The following GRHL2 variants were observed in gnomAD, a reference collection of about 807,000 sequenced individuals.
GRHL2 encodes the protein grainyhead-like protein 2 homolog.
Under a neutral mutation model 83.8 loss-of-function variants are expected in GRHL2, and 21 were observed. The ratio of observed to expected loss-of-function variants is 0.25; its 90% CI spans 0.18 to 0.36. GRHL2 has a LOEUF of 0.36. Ranked by LOEUF, GRHL2 falls within the 10% of genes least tolerant of loss-of-function variation. The probability of loss-of-function intolerance (pLI) is 1.00; values close to 1 mark genes in which losing one functional copy is unlikely to be tolerated. For missense variants in GRHL2, 623 were observed against 781.8 expected, an observed-to-expected ratio of 0.80 and a Z score of 2.42; for synonymous variants, 280 against 278.9, an observed-to-expected ratio of 1.00 and a Z score of -0.04.
chr8:101,576,118 G>C (rs536392408), intron 6 of GRHL2, among the ~76,000 whole-genome samples: 1 of 152,218 alleles, frequency 6.6e-6, no homozygotes, highest in Non-Finnish European at 1.5e-5. Flanking sequence ...TGCTAAGTTT[G>C]ATGTTAATTG....
chr8:101,530,698 A>AGAG (rs1810905721), intron 1 of GRHL2, among the ~76,000 whole-genome samples: 2 of 152,132 alleles, frequency 1.3e-5, no homozygotes, highest in Non-Finnish European at 2.9e-5. Context: ...TGTACTCTCT[A>AGAG]GATTGTTCCA....
intron 7 of GRHL2, 85 bp downstream of exon 7, chr8:101,577,604 C>T: frequency 1.2e-6 from 1 of 868,740 alleles, no homozygotes; most frequent in South Asian, 1.4e-5. Context: ...GTAGTAATCA[C>T]AGCTGGAGCC....
At chr8:101,537,747 G>A (rs987051673) in intron 1 of GRHL2, among the ~76,000 whole-genome samples, 4 of 152,062 alleles carry the variant, frequency 2.6e-5, no homozygotes, top group Non-Finnish European at 5.9e-5. Flanking sequence ...GATTTAAACC[G>A]AAGTTACCCA....
rs1814168522 is a variant in GRHL2 at position 101,669,664 on chromosome 8, G to GTT, written c.*2962_*2963dup. The GTT allele has an allele frequency of 1.3e-5, 2 of 149,850 alleles. No individual in the cohort carries two copies. Among genetic ancestry groups the GTT allele is most frequent in the Non-Finnish European group, 3.0e-5 (2 of 67,654 alleles). 9.3% of individuals were successfully genotyped at this position (149,850 alleles called of 1,614,324 possible). A position where few individuals can be genotyped will look rare whatever the true frequency, so the allele number is the denominator to read the frequency against. On this transcript the variant is annotated 3_prime_UTR_variant, in exon 16 of 16. Coordinates refer to ENST00000646743, the MANE Select transcript of GRHL2 (RefSeq NM_024915.4). ...GGGGAATCTATAAACTATAAATACA[G>GTT]TTATTTTATTTTTTGTACATTTTTA... is the stretch of plus-strand genomic sequence containing the variant.
intron 1 of GRHL2, among the ~76,000 whole-genome samples, chr8:101,506,916 T>C (rs1563554884): frequency 6.6e-6 from 1 of 152,204 alleles, no homozygotes; most frequent in Admixed American, 6.5e-5. Flanking sequence ...GTATTTCTTT[T>C]TAGTGAAGCT....
At position 101,572,624 on chromosome 8, in the gene GRHL2, T is replaced by C. The variant is rs543158614; in HGVS notation, c.735-1044T>C. 2.3e-4 allele frequency among the ~76,000 whole-genome samples: 35 copies of C among 152,016 alleles called. No individual in the cohort carries two copies. The East Asian group carries it at 6.8e-3, about 29-fold the overall frequency. Reference sequence around the variant, plus strand: ...GGAGAGTTTCTGATGATCTAGAAAATATGTGGTGTTTGTTATTGGATTGTC... The same window carrying C: ...GGAGAGTTTCTGATGATCTAGAAAACATGTGGTGTTTGTTATTGGATTGTC... On this transcript the variant is annotated intron_variant, in intron 5 of 15. Coordinates refer to ENST00000646743, the MANE Select transcript of GRHL2 (RefSeq NM_024915.4).
At position 101,664,485 on chromosome 8, in the gene GRHL2, A is replaced by G. The variant is rs757402506; in HGVS notation, c.1730A>G (p.Lys577Arg). The change falls in exon 15 of 16, where the codon AAG (lysine) becomes AGG (arginine). Residue 577 changes from lysine (K) to arginine (R), a missense_variant. By Grantham distance (26) the Lys-to-Arg change is conservative. Transcript: ENST00000646743. ...GAGAAATATGGGCTGCCCGTGGAGA[A>G]GATAGCAAAGCTTTACAAGAAAAGC... ...ISEKYGLPVEKIAKLYKKSKK... is the reference protein window; with the variant it reads ...ISEKYGLPVERIAKLYKKSKK... 1 of 1,613,830 alleles carries G rather than the reference A, an allele frequency of 6.2e-7. No homozygotes were observed. Among genetic ancestry groups the G allele is most frequent in the South Asian group, 1.1e-5 (1 of 91,074 alleles).
intron 8 of GRHL2, among the ~76,000 whole-genome samples, chr8:101,607,888 T>A (rs1309186318): frequency 6.6e-6 from 1 of 152,242 alleles, no homozygotes; most frequent in Non-Finnish European, 1.5e-5. Context: ...ATAAAAGGAA[T>A]AATCTTTGGA....
chr8:101,663,635 A>AATT (rs1554598243), intron 14 of GRHL2, among the ~76,000 whole-genome samples: 27 of 151,438 alleles, frequency 1.8e-4, no homozygotes, highest in South Asian at 1.5e-3. Context: ...ATAAATAAAT[A>AATT]AATAAATAAA....
intron 1 of GRHL2, among the ~76,000 whole-genome samples, chr8:101,514,412 A>T (rs1300110509): frequency 6.6e-6 from 1 of 152,226 alleles, no homozygotes; most frequent in African/African-American, 2.4e-5. Flanking sequence ...GGAATGGAGT[A>T]GGGGAGCTAC....
chr8:101,582,471 G>A (rs999090717), intron 7 of GRHL2, among the ~76,000 whole-genome samples: 3 of 152,136 alleles, frequency 2.0e-5, no homozygotes, highest in South Asian at 4.1e-4. Flanking sequence ...AGCATAGATG[G>A]AATTTTCTGG....
chr8:101,541,933 A>G (rs1375013299), intron 1 of GRHL2, among the ~76,000 whole-genome samples: 2 of 152,066 alleles, frequency 1.3e-5, no homozygotes, highest in Non-Finnish European at 2.9e-5. Context: ...ACTTTCCATG[A>G]TGGTCTTTGT....
intron 5 of GRHL2, among the ~76,000 whole-genome samples, chr8:101,572,170 G>A (rs1482098608): frequency 6.6e-6 from 1 of 152,188 alleles, no homozygotes; most frequent in African/African-American, 2.4e-5. Flanking sequence ...TTTCAAAGCA[G>A]TCTGTGCCCT....
In GRHL2 at chr8:101,668,653, G is replaced by T. The variant is rs555226602; in HGVS notation, c.*1950G>T. The T allele has an allele frequency of 3.9e-5, 6 of 152,792 alleles. No homozygotes were observed. The East Asian group carries it at 1.2e-3, about 30-fold the overall frequency. The allele number at this position is 152,792 out of a possible 1,614,324, so 9.5% of individuals were successfully genotyped here. The stretch of plus-strand genomic sequence containing the variant: ...GACCAGCAGCTTGGGGACCCTCCAG[G>T]GTACTAATGGGGCTCTGTTCTGAGA... On this transcript the variant is annotated 3_prime_UTR_variant, in exon 16 of 16. Transcript: ENST00000646743.
chr8:101,563,383 G>A (rs1181950034), intron 4 of GRHL2, among the ~76,000 whole-genome samples: 1 of 151,894 alleles, frequency 6.6e-6, no homozygotes, highest in African/African-American at 2.4e-5. Flanking sequence ...TTTCAGGTGA[G>A]CAAAGAGTAC....
intron 14 of GRHL2, among the ~76,000 whole-genome samples, chr8:101,652,451 TGTGTCTGGTGTGTGTG>T (rs1218141212): frequency 8.8e-5 from 7 of 79,310 alleles, no homozygotes; most frequent in South Asian, 9.0e-4. Flanking sequence ...GTGTGTGGTG[TGTGTCTGGTGTGTGTG>T]GTGTGTGTGT....
intron 7 of GRHL2, among the ~76,000 whole-genome samples, chr8:101,582,063 C>A (rs1396557662): frequency 6.6e-6 from 1 of 152,092 alleles, no homozygotes; most frequent in Non-Finnish European, 1.5e-5. Flanking sequence ...CATGGTGAAA[C>A]CCCATCTCTA....
chr8:101,646,311 T>C (rs1314061377), intron 13 of GRHL2, among the ~76,000 whole-genome samples: 2 of 152,196 alleles, frequency 1.3e-5, no homozygotes, highest in Non-Finnish European at 1.5e-5. Context: ...CGAAACTAAT[T>C]ATGGCTAGCC....
chr8:101,655,183 TAAA>T (rs34917135), intron 14 of GRHL2, among the ~76,000 whole-genome samples: 65 of 144,058 alleles, frequency 4.5e-4, no homozygotes, highest in Admixed American at 7.6e-4. Context: ...ACTCCAATCC[TAAA>T]AAAAAAAAAA....
Sources: allele counts gnomAD v4.1 joint callset (sites outside exome capture counted in the v4.1 genomes callset), GRCh38; gene constraint gnomAD v4.1.1; transcripts MANE v1.5; gene names NCBI Gene and HGNC (gene_info 2026-07-23, HGNC 2026-07-21).